The following SFRP1 variants were observed in gnomAD, a reference collection of about 807,000 sequenced individuals.
SFRP1 encodes secreted frizzled-related protein 1.
SFRP1 carries 9 observed loss-of-function variants against 25.9 expected under a neutral mutation model. That is an observed-to-expected ratio of 0.35 (90% confidence interval 0.21 to 0.61). The LOEUF is 0.61. Among genes scored for constraint, SFRP1 ranks in the 20% least tolerant of loss-of-function variants. The probability of loss-of-function intolerance (pLI) is 0.78; values close to 1 mark genes in which losing one functional copy is unlikely to be tolerated. For synonymous variants in SFRP1, 178 were observed against 174.0 expected, an observed-to-expected ratio of 1.02 and a Z score of -0.18; for missense variants, 346 against 418.2, an observed-to-expected ratio of 0.83 and a Z score of 1.51.
chr8:41,298,128 A>G (rs1803866522), intron 2 of SFRP1: 1 of 152,218 alleles, frequency 6.6e-6, no homozygotes, highest in South Asian at 2.1e-4. Context: ...TATCCAACTC[A>G]ACACAGCTTT....
At chr8:41,283,541 T>C (rs575631063) in intron 2 of SFRP1, among the ~76,000 whole-genome samples, 40 of 152,106 alleles carry the variant, frequency 2.6e-4, no homozygotes, top group African/African-American at 8.4e-4. Flanking sequence ...TCAACGCTAT[T>C]TTTATAGAAA....
At chr8:41,277,096 T>A (rs943656286) in intron 2 of SFRP1, 1 of 451,268 alleles carries the variant, frequency 2.2e-6, no homozygotes, top group Non-Finnish European at 4.5e-6. Flanking sequence ...CTGCCTGGTG[T>A]GATTTCATCT....
chr8:41,297,127 C>T (rs556448882), intron 2 of SFRP1, among the ~76,000 whole-genome samples: 109 of 152,316 alleles, frequency 7.2e-4, no homozygotes, highest in African/African-American at 2.6e-3. Flanking sequence ...TCACTGCAAC[C>T]TTGGCCTCTA....
At chr8:41,291,405 G>T (rs1021725808) in intron 2 of SFRP1, among the ~76,000 whole-genome samples, 7 of 152,062 alleles carry the variant, frequency 4.6e-5, no homozygotes, top group Non-Finnish European at 8.8e-5. Flanking sequence ...ACCACAAAGA[G>T]ATTCGCCACT....
chr8:41,296,841 G>T (rs1803849805), intron 2 of SFRP1, among the ~76,000 whole-genome samples: 1 of 152,134 alleles, frequency 6.6e-6, no homozygotes, highest in African/African-American at 2.4e-5. Context: ...GTCCTATCCT[G>T]GAACACCAGG....
intron 2 of SFRP1, among the ~76,000 whole-genome samples, chr8:41,272,396 A>T (rs1297197036): frequency 6.6e-6 from 1 of 152,180 alleles, no homozygotes; most frequent in African/African-American, 2.4e-5. Flanking sequence ...CTTGGGGCCA[A>T]GAGTCCAAGA....
intron 2 of SFRP1, among the ~76,000 whole-genome samples, chr8:41,267,703 C>A (rs1803454119): frequency 6.6e-6 from 1 of 152,202 alleles, no homozygotes; most frequent in Non-Finnish European, 1.5e-5. Flanking sequence ...ATTTTCCCAT[C>A]TAATAGATGA....
At chr8:41,303,774 T>A (rs577464282) in intron 1 of SFRP1, among the ~76,000 whole-genome samples, 1 of 152,302 alleles carries the variant, frequency 6.6e-6, no homozygotes, top group South Asian at 2.1e-4. Context: ...ACACAGTTAT[T>A]TAAGCCAGCA....
In SFRP1 at chr8:41,309,381, G is replaced by C. The variant is rs1414775162; in HGVS notation, c.-222C>G. ...GCGGGGAGGCGGCGCTGCGGGCTGG[G>C]TGCGCCCCGGCTCCCGGAGGTGCGG... is the stretch of plus-strand genomic sequence containing the variant. On this transcript the variant is annotated 5_prime_UTR_variant, in exon 1 of 3. Transcript: ENST00000220772. 7.5e-6 allele frequency: 2 copies of C among 266,298 alleles called. No individual in the cohort carries two copies. The highest frequency in any genetic ancestry group is 1.3e-5 in the Non-Finnish European group (2 of 158,516). The allele number at this position is 266,298 out of a possible 1,614,324, so 16.5% of individuals were successfully genotyped here. A position where few individuals can be genotyped will look rare whatever the true frequency, so the allele number is the denominator to read the frequency against.
At chr8:41,306,997 G>C in intron 1 of SFRP1, 2 of 1,455,802 alleles carry the variant, frequency 1.4e-6, no homozygotes, top group African/African-American at 1.4e-5. Flanking sequence ...GTCTGCAGAC[G>C]GTCCCAGAAA....
chr8:41,280,714 G>A (rs965389233), intron 2 of SFRP1, among the ~76,000 whole-genome samples: 18 of 152,202 alleles, frequency 1.2e-4, no homozygotes, highest in African/African-American at 4.3e-4. Flanking sequence ...AGGAGCTGCT[G>A]ACCCATGGGG....
intron 2 of SFRP1, chr8:41,271,284 TAAGGA>T (rs1803502931): frequency 6.5e-6 from 1 of 154,004 alleles, no homozygotes; most frequent in African/African-American, 2.4e-5. Flanking sequence ...GGCAAGTATT[TAAGGA>T]AAGCCTCCAA....
chr8:41,282,463 A>G (rs969762180), intron 2 of SFRP1, among the ~76,000 whole-genome samples: 2 of 152,168 alleles, frequency 1.3e-5, no homozygotes, highest in African/African-American at 4.8e-5. Flanking sequence ...CAGTGAGCTA[A>G]GATTGTGTCA....
chr8:41,295,906 C>G (rs1281812161), intron 2 of SFRP1, among the ~76,000 whole-genome samples: 1 of 152,232 alleles, frequency 6.6e-6, no homozygotes, highest in Non-Finnish European at 1.5e-5. Flanking sequence ...CCTAAGCTGG[C>G]TGCTTCTGGT....
In SFRP1 at chr8:41,276,166, G is replaced by A. The variant is rs557080358; in HGVS notation, c.623-10677C>T. ...CTCCTACCCCACAGAGCCTCCAGGT[G>A]GAAAAGTCTGCTCAGATACCAAAGC... On this transcript the variant is annotated intron_variant, in intron 2 of 2. Transcript: ENST00000220772. Among the ~76,000 whole-genome samples the A allele has an allele frequency of 3.3e-5, 5 of 152,296 alleles. No homozygotes were observed. The South Asian group carries it at 8.3e-4, about 25-fold the overall frequency.
chr8:41,289,916 G>C (rs1055581918), intron 2 of SFRP1, among the ~76,000 whole-genome samples: 8 of 152,220 alleles, frequency 5.3e-5, no homozygotes, highest in African/African-American at 1.9e-4. Flanking sequence ...AAGTGCTGGG[G>C]GAGGAAGTGA....
intron 2 of SFRP1, among the ~76,000 whole-genome samples, chr8:41,293,140 T>C (rs1283624519): frequency 6.6e-6 from 1 of 152,228 alleles, no homozygotes; most frequent in Non-Finnish European, 1.5e-5. Context: ...CTCACAGCTA[T>C]GCACTCCCTG....
intron 2 of SFRP1, chr8:41,277,106 T>G (rs1205560473): frequency 1.1e-5 from 5 of 447,918 alleles, no homozygotes; most frequent in Non-Finnish European, 1.8e-5. Context: ...TGATTTCATC[T>G]GGGAAGCCAC....
At chr8:41,267,816 C>T (rs1012335124) in intron 2 of SFRP1, among the ~76,000 whole-genome samples, 22 of 152,288 alleles carry the variant, frequency 1.4e-4, no homozygotes, top group African/African-American at 5.3e-4. Flanking sequence ...GTTGTCCATG[C>T]TGACTCTATG....
Sources: gnomAD v4.1 joint callset for allele counts (sites outside exome capture counted in the v4.1 genomes callset) on GRCh38, gnomAD v4.1.1 for gene constraint, MANE v1.5 for transcripts, NCBI Gene and HGNC (gene_info 2026-07-23, HGNC 2026-07-21) for gene names.